CSMD2: variants seen among roughly 807,000 people sequenced by gnomAD.
CSMD2 encodes CUB and Sushi multiple domains 2.
Under a neutral mutation model 398.5 loss-of-function variants are expected in CSMD2, and 130 were observed. That is an observed-to-expected ratio of 0.33 (90% confidence interval 0.28 to 0.38). The LOEUF is 0.38. Ranked by LOEUF, CSMD2 falls within the 10% of genes least tolerant of loss-of-function variation. The probability of loss-of-function intolerance (pLI) is 1.00; values close to 1 mark genes in which losing one functional copy is unlikely to be tolerated. For missense variants in CSMD2, 3,829 were observed against 4,764.9 expected (o/e 0.80, Z 5.78); for synonymous variants, 1,828 against 1,908.5 (o/e 0.96, Z 1.10).
chr1:34,072,677 G>A (rs1241015585), intron 2 of CSMD2, among the ~76,000 whole-genome samples: 1 of 152,152 alleles, frequency 6.6e-6, no homozygotes, highest in African/African-American at 2.4e-5. Context: ...GAATGAGCAA[G>A]GTGAGGCTTT....
At chr1:33,907,538 G>A (rs1482725005) in intron 5 of CSMD2, among the ~76,000 whole-genome samples, 3 of 152,134 alleles carry the variant, frequency 2.0e-5, no homozygotes, top group Non-Finnish European at 4.4e-5. Context: ...GGTAGCCAGT[G>A]TAGACCACTC....
At chr1:33,517,308 G>A (rs1001271088) in intron 70 of CSMD2, among the ~76,000 whole-genome samples, 9 of 152,092 alleles carry the variant, frequency 5.9e-5, no homozygotes, top group Non-Finnish European at 1.3e-4. Context: ...CTGCTGGCAA[G>A]GGGCCAATGC....
chr1:33,790,477 T>C (rs1271539978), intron 11 of CSMD2, among the ~76,000 whole-genome samples: 1 of 152,190 alleles, frequency 6.6e-6, no homozygotes, highest in East Asian at 1.9e-4. Context: ...CTTTTGAACT[T>C]GAACTGTAAC....
At chr1:33,620,959 C>T (rs1371871738) in intron 37 of CSMD2, among the ~76,000 whole-genome samples, 3 of 152,026 alleles carry the variant, frequency 2.0e-5, no homozygotes, top group Non-Finnish European at 4.4e-5. Flanking sequence ...CAGTTCTGAC[C>T]CAATCAGACA....
chr1:33,634,808 C>T (rs1240242910), intron 31 of CSMD2, among the ~76,000 whole-genome samples: 1 of 152,144 alleles, frequency 6.6e-6, no homozygotes, highest in Non-Finnish European at 1.5e-5. Flanking sequence ...CCCTCACCTG[C>T]ACTTTCAAGC....
chr1:33,783,526 T>C (rs1653100306), intron 12 of CSMD2, among the ~76,000 whole-genome samples: 1 of 150,938 alleles, frequency 6.6e-6, no homozygotes, highest in South Asian at 2.1e-4. Context: ...GGTGAGAAGG[T>C]AGCTGTCTAC....
intron 5 of CSMD2, among the ~76,000 whole-genome samples, chr1:33,877,809 C>A (rs1028169451): frequency 3.3e-5 from 5 of 151,972 alleles, no homozygotes; most frequent in African/African-American, 1.2e-4. Flanking sequence ...CGAAGATATG[C>A]CCAGGGTTGC....
At position 33,531,938 on chromosome 1, in the gene CSMD2, T is replaced by C. The variant is rs543413276; in HGVS notation, c.10171+1112A>G. On this transcript the variant is annotated intron_variant, in intron 64 of 70. Coordinates refer to ENST00000373381, the MANE Select transcript of CSMD2 (RefSeq NM_001281956.2). ...CATAAACATAACTAATGCCACTGAA[T>C]TGTACACTTAAAATTGTATATTATG... Among the ~76,000 whole-genome samples the C allele has an allele frequency of 2.6e-5, 4 of 152,358 alleles. No individual in the cohort carries two copies. In the East Asian group the frequency reaches 5.8e-4, roughly 22 times the overall value.
In CSMD2 at chr1:34,024,951, A is replaced by G. The variant is rs368821837; in HGVS notation, c.517+7643T>C. Among the ~76,000 whole-genome samples, 3 of 152,188 alleles carry G rather than the reference A, an allele frequency of 2.0e-5. No individual in the cohort carries two copies. The East Asian group carries it at 5.8e-4, about 29-fold the overall frequency. On this transcript the variant is annotated intron_variant, in intron 3 of 70. Coordinates refer to ENST00000373381, the MANE Select transcript of CSMD2 (RefSeq NM_001281956.2). ...TCAGCAGGTCTAATTACAGGAAAAAACAAAACCAGGAAAGGCCCATTTCTC... is the reference window on the plus strand; with the variant it reads ...TCAGCAGGTCTAATTACAGGAAAAAGCAAAACCAGGAAAGGCCCATTTCTC...
chr1:33,647,449 T>C (rs1643517089), intron 28 of CSMD2, among the ~76,000 whole-genome samples: 1 of 152,156 alleles, frequency 6.6e-6, no homozygotes, highest in Non-Finnish European at 1.5e-5. Flanking sequence ...GTTGAGCAAA[T>C]TGAATATTAG....
intron 13 of CSMD2, among the ~76,000 whole-genome samples, chr1:33,752,055 A>C (rs1228252530): frequency 6.6e-6 from 1 of 152,240 alleles, no homozygotes; most frequent in Non-Finnish European, 1.5e-5. Flanking sequence ...TATTTGAAGC[A>C]TAAGATTCAT....
At chr1:33,603,269 C>G (rs1640354479) in intron 42 of CSMD2, among the ~76,000 whole-genome samples, 1 of 152,148 alleles carries the variant, frequency 6.6e-6, no homozygotes, top group African/African-American at 2.4e-5. Context: ...AAAAGCAATA[C>G]TCAATTTTAG....
In CSMD2 at chr1:33,709,258, G is replaced by C; in HGVS notation, c.3407C>G (p.Ala1136Gly). The C allele has an allele frequency of 6.2e-7, 1 of 1,612,274 alleles. No homozygotes were observed. Among genetic ancestry groups the C allele is most frequent in the Non-Finnish European group, 8.5e-7 (1 of 1,179,132 alleles). The change falls in exon 22 of 71, where the codon GCT becomes GGT. Residue 1136 changes from alanine to glycine, a missense_variant and splice_region_variant. By Grantham distance (60) the Ala-to-Gly change is moderately conservative. Coordinates refer to ENST00000373381, the MANE Select transcript of CSMD2 (RefSeq NM_001281956.2). ...LWSSPLPRCV[A>G]ECGNSVTGTQ... ...GCCTGTGACTGAATTCCCACACTCAGCTGGAAAGAGAATCACAATAACCAT... is the reference window on the plus strand; with the variant it reads ...GCCTGTGACTGAATTCCCACACTCACCTGGAAAGAGAATCACAATAACCAT...
At chr1:34,122,078 A>G (rs1662247120) in intron 1 of CSMD2, among the ~76,000 whole-genome samples, 1 of 151,080 alleles carries the variant, frequency 6.6e-6, no homozygotes, top group South Asian at 2.1e-4. Flanking sequence ...CCAGTCTAGC[A>G]GAACAACGGT....
At chr1:33,634,155 G>T (rs1347379292) in intron 31 of CSMD2, among the ~76,000 whole-genome samples, 1 of 152,202 alleles carries the variant, frequency 6.6e-6, no homozygotes, top group Non-Finnish European at 1.5e-5. Flanking sequence ...ATTGGGGAGT[G>T]TGTGTACATG....
chr1:33,952,221 C>A (rs1425950372), intron 3 of CSMD2, among the ~76,000 whole-genome samples: 1 of 152,116 alleles, frequency 6.6e-6, no homozygotes, highest in Non-Finnish European at 1.5e-5. Context: ...ATAGCTAAAG[C>A]CAGAACAGGA....
At chr1:33,820,012 T>A (rs1241130780) in intron 8 of CSMD2, among the ~76,000 whole-genome samples, 175 bp from the exon 9 acceptor site, 1 of 152,252 alleles carries the variant, frequency 6.6e-6, no homozygotes, top group East Asian at 1.9e-4. Context: ...GCTCTTCATC[T>A]TCTTTTTTCG....
intron 25 of CSMD2, among the ~76,000 whole-genome samples, chr1:33,672,349 C>A (rs377220272): frequency 6.6e-6 from 1 of 151,840 alleles, no homozygotes; most frequent in Non-Finnish European, 1.5e-5. Context: ...GAGGGTCCTA[C>A]GCCCACGGAG....
intron 5 of CSMD2, among the ~76,000 whole-genome samples, chr1:33,903,786 G>C (rs1216978841): frequency 6.6e-6 from 1 of 152,134 alleles, no homozygotes; most frequent in African/African-American, 2.4e-5. Context: ...AGACAGCAAG[G>C]GTTACTTTAG....
Sources: allele counts gnomAD v4.1 joint callset (sites outside exome capture counted in the v4.1 genomes callset), GRCh38; gene constraint gnomAD v4.1.1; transcripts MANE v1.5; gene names NCBI Gene and HGNC (gene_info 2026-07-23, HGNC 2026-07-21).